The following CSPG5 variants were observed in gnomAD, a reference collection of about 807,000 sequenced individuals.
The protein encoded by CSPG5 is chondroitin sulfate proteoglycan 5.
Under a neutral mutation model 39.8 loss-of-function variants are expected in CSPG5, and 25 were observed. The observed-to-expected ratio is 0.63, with a 90% CI of 0.46 to 0.88. CSPG5 has a LOEUF of 0.88. CSPG5 is among the 40% of genes least tolerant of loss of function. The pLI, the probability that CSPG5 is intolerant of heterozygous loss-of-function variation, is 0.00. For missense variants in CSPG5, 627 were observed against 702.2 expected, an observed-to-expected ratio of 0.89 and a Z score of 1.21; for synonymous variants, 295 against 303.9, an observed-to-expected ratio of 0.97 and a Z score of 0.31.
chr3:47,577,918 C>G lies in CSPG5; in HGVS notation c.108G>C (p.Ala36=), dbSNP rs565546480. ...GCTCTTCGGCCTCAACCGCGCTGCC[C>G]GCCTCACGCGCTGCGGGCGGGAGGG... ...LASGAVPARE[A]GSAVEAEELV... Residue 36 remains alanine, a synonymous_variant, in exon 2 of 5, where the codon GCG becomes GCC. Transcript: ENST00000264723. This position sits in a 1 kb window ranked among gnomAD's most constrained non-coding sequence, Gnocchi z 4.7. The G allele has an allele frequency of 2.8e-6, 4 of 1,439,118 alleles. No homozygotes were observed. The highest frequency in any genetic ancestry group is 1.5e-5 in the South Asian group (1 of 67,040). The allele number at this position is 1,439,118 out of a possible 1,614,324, so 89.1% of individuals were successfully genotyped here.
intron 3 of CSPG5, among the ~76,000 whole-genome samples, chr3:47,570,935 C>A (rs900290828): frequency 6.6e-6 from 1 of 152,126 alleles, no homozygotes; most frequent in Non-Finnish European, 1.5e-5. Flanking sequence ...TACATCATAA[C>A]TACCATATGG....
In CSPG5 at chr3:47,578,098, C is replaced by G; in HGVS notation, c.98-170G>C. On this transcript the variant is annotated intron_variant, in intron 1 of 4. Coordinates refer to ENST00000264723, the MANE Select transcript of CSPG5 (RefSeq NM_006574.4). The surrounding 1 kb of genome is among the most constrained non-coding windows in gnomAD (Gnocchi z 6.0). Reference sequence around the variant, plus strand: ...CCCAGCCACCCGGTACCTCTAAGCCCCGTCCCGGAGTCTGCCCCCAAGACG... The same window carrying G: ...CCCAGCCACCCGGTACCTCTAAGCCGCGTCCCGGAGTCTGCCCCCAAGACG... The G allele has an allele frequency of 1.9e-6, 2 of 1,062,572 alleles. No homozygotes were observed. 65.8% of individuals were successfully genotyped at this position (1,062,572 alleles called of 1,614,324 possible). A position where few individuals can be genotyped will look rare whatever the true frequency, so the allele number is the denominator to read the frequency against.
rs765668169 is a variant in CSPG5 at position 47,577,002 on chromosome 3, G to A, written c.1024C>T (p.Arg342Cys). ...AAGTCCCTGCCTGGCTCTCCTGGGC[G>A]GGGCCTGAGGGCGATGCTGCTGCCG... ...VPGSSIALRPRPGEPGRDLAS... is the reference protein window; with the variant it reads ...VPGSSIALRPCPGEPGRDLAS... The change falls in exon 2 of 5, where the codon CGC (arginine) becomes TGC (cysteine). Residue 342 changes from arginine (R) to cysteine (C), a missense_variant. Arg to Cys is a radical substitution (Grantham distance 180). Transcript: ENST00000264723. The surrounding 1 kb of genome is among the most constrained non-coding windows in gnomAD (Gnocchi z 4.7). 2.9e-5 allele frequency: 46 copies of A among 1,613,094 alleles called. No homozygotes were observed. The highest frequency in any genetic ancestry group is 3.7e-5 in the Non-Finnish European group (44 of 1,179,546).
In CSPG5 at chr3:47,562,341, T is replaced by G; in HGVS notation, c.*259A>C. On this transcript the variant is annotated 3_prime_UTR_variant, in exon 5 of 5. Coordinates refer to ENST00000264723, the MANE Select transcript of CSPG5 (RefSeq NM_006574.4). ...AAAGTCAGTTGAATAACAGCACAGG[T>G]TTAGAAATCACAGCAGCAGAAGCAA... 3.1e-6 allele frequency: 1 copy of G among 320,042 alleles called. No homozygotes were observed. Among genetic ancestry groups the G allele is most frequent in the African/African-American group, 2.1e-5 (1 of 46,942 alleles). The allele number at this position is 320,042 out of a possible 1,614,324, so 19.8% of individuals were successfully genotyped here.
chr3:47,574,811 C>T (rs934021061), intron 2 of CSPG5, among the ~76,000 whole-genome samples: 5 of 152,174 alleles, frequency 3.3e-5, no homozygotes, highest in East Asian at 1.9e-4. Context: ...TGGTGGCGGG[C>T]GCCTGCAGTC....
rs1019171189 is a variant in CSPG5 at position 47,562,320 on chromosome 3, T to G, written c.*280A>C. The G allele has an allele frequency of 7.1e-6, 2 of 279,968 alleles. No individual in the cohort carries two copies. Among genetic ancestry groups the G allele is most frequent in the Non-Finnish European group, 1.3e-5 (2 of 152,844 alleles). The allele number at this position is 279,968 out of a possible 1,614,324, so 17.3% of individuals were successfully genotyped here. A position where few individuals can be genotyped will look rare whatever the true frequency, so the allele number is the denominator to read the frequency against. On this transcript the variant is annotated 3_prime_UTR_variant, in exon 5 of 5. Coordinates refer to ENST00000264723, the MANE Select transcript of CSPG5 (RefSeq NM_006574.4). ...ACGTGGGTCAAAGTACAAAAAAAAG[T>G]CAGTTGAATAACAGCACAGGTTTAG...
intron 4 of CSPG5, among the ~76,000 whole-genome samples, chr3:47,564,274 G>A (rs1173759815): frequency 6.6e-6 from 1 of 152,208 alleles, no homozygotes; most frequent in East Asian, 1.9e-4. Context: ...ACCCATAACA[G>A]CACTAGGTTA....
intron 4 of CSPG5, among the ~76,000 whole-genome samples, chr3:47,566,930 C>G (rs1310982591): frequency 6.6e-6 from 1 of 152,194 alleles, no homozygotes. Context: ...TGGCTGACCA[C>G]CCCCTGCTCT....
chr3:47,567,134 A>G (rs1359805304), intron 4 of CSPG5, among the ~76,000 whole-genome samples: 1 of 152,216 alleles, frequency 6.6e-6, no homozygotes, highest in African/African-American at 2.4e-5. Context: ...CTGTGGTATT[A>G]GAAACACAAG....
At chr3:47,571,112 A>G (rs1023515951) in intron 3 of CSPG5, among the ~76,000 whole-genome samples, 1 of 149,604 alleles carries the variant, frequency 6.7e-6, no homozygotes, top group Non-Finnish European at 1.5e-5. Context: ...AAAAAAAAAG[A>G]TGGCAGTGAT....
chr3:47,566,904 G>C (rs985626952), intron 4 of CSPG5, among the ~76,000 whole-genome samples: 4 of 152,100 alleles, frequency 2.6e-5, no homozygotes, highest in Non-Finnish European at 5.9e-5. Context: ...CACCGTGGCC[G>C]ACCACCACCC....
Position 47,578,001 on chromosome 3 carries a change from G to C in CSPG5, c.98-73C>G, listed in dbSNP as rs1213260974. The C allele has an allele frequency of 7.4e-7, 1 of 1,355,090 alleles. No homozygotes were observed. The highest frequency in any genetic ancestry group is 9.4e-7 in the Non-Finnish European group (1 of 1,063,164). 83.9% of individuals were successfully genotyped at this position (1,355,090 alleles called of 1,614,324 possible). A position where few individuals can be genotyped will look rare whatever the true frequency, so the allele number is the denominator to read the frequency against. ...GAGCCCTGGAGCCCCGGCCCGCCCC[G>C]GTCAGGCCCGCTCGCCTAGACCTGG... is the stretch of plus-strand genomic sequence containing the variant. On this transcript the variant is annotated intron_variant, in intron 1 of 4. Transcript: ENST00000264723. The surrounding 1 kb of genome is among the most constrained non-coding windows in gnomAD (Gnocchi z 6.0).
rs992474686 is a variant in CSPG5, at chr3:47,578,670, G to T, written c.24C>A (p.Gly8=). MGRAGGG[G]PGRGPPPLLL... is the part of the protein sequence containing the mutation. ...GCAGTGGCGGCGGCCCCCGGCCCGG[G>T]CCCCCGCCCCCGGCTCGCCCCATGG... Residue 8 remains glycine, a synonymous_variant, in exon 1 of 5, where the codon GGC becomes GGA. Transcript: ENST00000264723. This position sits in a 1 kb window ranked among gnomAD's most constrained non-coding sequence, Gnocchi z 6.0. 1.1e-5 allele frequency: 12 copies of T among 1,076,690 alleles called. No individual in the cohort carries two copies. The highest frequency in any genetic ancestry group is 3.4e-5 in the African/African-American group (2 of 59,028). The allele number at this position is 1,076,690 out of a possible 1,614,324, so 66.7% of individuals were successfully genotyped here.
intron 4 of CSPG5, among the ~76,000 whole-genome samples, chr3:47,564,343 T>A (rs1238025440): frequency 6.6e-6 from 1 of 152,144 alleles, no homozygotes; most frequent in African/African-American, 2.4e-5. Flanking sequence ...ATGGTTCTTG[T>A]ACACACAGGA....
intron 3 of CSPG5, among the ~76,000 whole-genome samples, chr3:47,570,269 A>T (rs1031887233): frequency 7.3e-6 from 1 of 136,454 alleles, no homozygotes; most frequent in Non-Finnish European, 1.6e-5. Flanking sequence ...TCTTAAAACA[A>T]TTTTTTTTTT....
rs1206869909 is a variant in CSPG5, at chr3:47,577,920, C to T, written c.106G>A (p.Ala36Thr). 46 of 1,438,972 alleles carry T rather than the reference C, an allele frequency of 3.2e-5. No homozygotes were observed. Among genetic ancestry groups the T allele is most frequent in the Non-Finnish European group, 4.1e-5 (46 of 1,109,694 alleles). The allele number at this position is 1,438,972 out of a possible 1,614,324, so 89.1% of individuals were successfully genotyped here. Residue 36 changes from alanine to threonine, a missense_variant, in exon 2 of 5, where the codon GCG (alanine) becomes ACG (threonine). Physicochemically the swap from Ala to Thr is moderately conservative, Grantham distance 58 (BLOSUM62 0). Transcript: ENST00000264723. The surrounding 1 kb of genome is among the most constrained non-coding windows in gnomAD (Gnocchi z 4.7). ...LASGAVPARE[A>T]GSAVEAEELV... ...TCTTCGGCCTCAACCGCGCTGCCCGCCTCACGCGCTGCGGGCGGGAGGGCA... is the reference window on the plus strand; with the variant it reads ...TCTTCGGCCTCAACCGCGCTGCCCGTCTCACGCGCTGCGGGCGGGAGGGCA...
chr3:47,577,662 C>T lies in CSPG5; in HGVS notation c.364G>A (p.Ala122Thr), dbSNP rs2031817193. 5 of 1,604,060 alleles carry T rather than the reference C, an allele frequency of 3.1e-6. No individual in the cohort carries two copies. The highest frequency in any genetic ancestry group is 2.7e-5 in the African/African-American group (2 of 74,842). The part of the protein sequence containing the change: ...TAEAGSGDAQ[A>T]LPATLQAPHE... ...GGAGCCTGGAGCGTAGCTGGAAGGGCCTGGGCATCGCCGCTGCCCGCCTCT... is the reference window on the plus strand; with the variant it reads ...GGAGCCTGGAGCGTAGCTGGAAGGGTCTGGGCATCGCCGCTGCCCGCCTCT... Residue 122 changes from alanine (A) to threonine (T), a missense_variant, in exon 2 of 5, where the codon GCC becomes ACC. Transcript: ENST00000264723. The surrounding 1 kb of genome is among the most constrained non-coding windows in gnomAD (Gnocchi z 4.7).
In CSPG5 at chr3:47,572,562, G is replaced by C; in HGVS notation, c.1382+124C>G. The C allele has an allele frequency of 1.3e-6, 1 of 797,264 alleles. No homozygotes were observed. The highest frequency in any genetic ancestry group is 2.1e-6 in the Non-Finnish European group (1 of 480,294). 49.4% of individuals were successfully genotyped at this position (797,264 alleles called of 1,614,324 possible). A position where few individuals can be genotyped will look rare whatever the true frequency, so the allele number is the denominator to read the frequency against. On this transcript the variant is annotated intron_variant, in intron 3 of 4. Transcript: ENST00000264723. The surrounding 1 kb of genome is among the most constrained non-coding windows in gnomAD (Gnocchi z 4.5). Reference sequence around the variant, plus strand: ...ATTTTTAGCACAGACAAAACAGCTGGGAATGGAGCACAGGTGCCAGAAACC... The same window carrying C: ...ATTTTTAGCACAGACAAAACAGCTGCGAATGGAGCACAGGTGCCAGAAACC...
At position 47,569,140 on chromosome 3, in the gene CSPG5, A is replaced by G. The variant is rs1193949582; in HGVS notation, c.1458+12T>C. ...GGGAGGAGGTACGGGGAGTGTTGCA[A>G]AGTTTCCTTACATTTGGGTGAGAGC... On this transcript the variant is annotated intron_variant, in intron 4 of 4. Coordinates refer to ENST00000264723, the MANE Select transcript of CSPG5 (RefSeq NM_006574.4). 1 of 1,607,964 alleles carries G rather than the reference A, an allele frequency of 6.2e-7. No homozygotes were observed. Among genetic ancestry groups the G allele is most frequent in the Non-Finnish European group, 8.5e-7 (1 of 1,177,612 alleles).
Sources: allele counts gnomAD v4.1 joint callset (sites outside exome capture counted in the v4.1 genomes callset), GRCh38; gene constraint gnomAD v4.1.1; non-coding constraint Gnocchi (gnomAD v3.1); transcripts MANE v1.5; gene names NCBI Gene and HGNC (gene_info 2026-07-23, HGNC 2026-07-21).